The following FNIP2 variants were observed in gnomAD, a reference collection of about 807,000 sequenced individuals.
FNIP2 encodes folliculin-interacting protein 2.
A neutral mutation model predicts 108.7 loss-of-function variants in FNIP2; 32 were observed. The ratio of observed to expected loss-of-function variants is 0.29; its 90% CI spans 0.22 to 0.40. The LOEUF is 0.40. Ranked by LOEUF, FNIP2 falls within the 10% of genes least tolerant of loss-of-function variation. The pLI is 1.00. For missense variants in FNIP2, 1,202 were observed against 1,381.6 expected, an observed-to-expected ratio of 0.87 and a Z score of 2.06; for synonymous variants, 480 against 496.7, an observed-to-expected ratio of 0.97 and a Z score of 0.45.
At chr4:158,795,170 A>G (rs553087370) in intron 1 of FNIP2, among the ~76,000 whole-genome samples, 1 of 152,366 alleles carries the variant, frequency 6.6e-6, no homozygotes, top group Admixed American at 6.5e-5. Flanking sequence ...GGAGCATTTG[A>G]ATCTATGTCA....
At chr4:158,862,800 T>A (rs1438753738) in intron 12 of FNIP2, among the ~76,000 whole-genome samples, 1 of 152,148 alleles carries the variant, frequency 6.6e-6, no homozygotes, top group East Asian at 1.9e-4. Context: ...TATGGAATAA[T>A]AATAGTCTTG....
At chr4:158,865,552 A>G (rs1052338821) in intron 12 of FNIP2, among the ~76,000 whole-genome samples, 1 of 152,262 alleles carries the variant, frequency 6.6e-6, no homozygotes, top group Non-Finnish European at 1.5e-5. Flanking sequence ...AATATACAAT[A>G]CTCAAATGCA....
At chr4:158,792,738 A>G (rs1164736550) in intron 1 of FNIP2, among the ~76,000 whole-genome samples, 1 of 152,186 alleles carries the variant, frequency 6.6e-6, no homozygotes, top group Admixed American at 6.5e-5. Flanking sequence ...TGGTGACTTT[A>G]TAGAACATAA....
intron 12 of FNIP2, among the ~76,000 whole-genome samples, chr4:158,862,819 T>A (rs6817719): frequency 3.5e-4 from 54 of 152,284 alleles, no homozygotes; most frequent in Middle Eastern, 3.4e-3. Context: ...TGAAAAAAAC[T>A]TAGTCTCATT....
At chr4:158,839,115 C>A (rs542261275) in intron 7 of FNIP2, among the ~76,000 whole-genome samples, 31 of 152,228 alleles carry the variant, frequency 2.0e-4, no homozygotes, top group African/African-American at 7.5e-4. Context: ...TAAAGTTACT[C>A]TTTATTTCCT....
At chr4:158,843,687 G>C (rs1230238416) in intron 7 of FNIP2, among the ~76,000 whole-genome samples, 3 of 152,210 alleles carry the variant, frequency 2.0e-5, no homozygotes, top group Non-Finnish European at 4.4e-5. Context: ...TACGGGAAGG[G>C]CTAGGGCTAG....
intron 14 of FNIP2, among the ~76,000 whole-genome samples, chr4:158,876,778 T>C (rs1303371462): frequency 6.6e-6 from 1 of 152,206 alleles, no homozygotes; most frequent in African/African-American, 2.4e-5. Context: ...TGTCTATTAC[T>C]TTAGTGTGGC....
At chr4:158,836,760 G>C (rs1778827843) in intron 7 of FNIP2, 1 of 146,672 alleles carries the variant, frequency 6.8e-6, no homozygotes, top group South Asian at 2.2e-4. Flanking sequence ...AGGTTGCAGG[G>C]AGCCGAGATT....
intron 8 of FNIP2, among the ~76,000 whole-genome samples, chr4:158,854,987 G>GA (rs1210593551): frequency 1.3e-5 from 2 of 152,092 alleles, no homozygotes; most frequent in African/African-American, 2.4e-5. Context: ...TAGCTTTGGG[G>GA]AAAAAAGAGG....
intron 1 of FNIP2, among the ~76,000 whole-genome samples, chr4:158,811,512 A>C (rs1004070200): frequency 2.0e-5 from 3 of 151,956 alleles, no homozygotes; most frequent in Non-Finnish European, 4.4e-5. Context: ...GTCTTTGGGC[A>C]CATCATTTCA....
intron 7 of FNIP2, among the ~76,000 whole-genome samples, chr4:158,840,477 C>A (rs1779065292): frequency 6.6e-6 from 1 of 152,062 alleles, no homozygotes; most frequent in African/African-American, 2.4e-5. Context: ...CTCACTGCAA[C>A]CTCCGTCTCC....
chr4:158,797,694 G>A (rs1000054467), intron 1 of FNIP2, among the ~76,000 whole-genome samples: 1 of 152,264 alleles, frequency 6.6e-6, no homozygotes, highest in South Asian at 2.1e-4. Context: ...GCAAGACCCT[G>A]TCTCAAAACA....
intron 1 of FNIP2, among the ~76,000 whole-genome samples, chr4:158,815,241 G>A (rs758468681): frequency 6.6e-6 from 1 of 152,174 alleles, no homozygotes; most frequent in Non-Finnish European, 1.5e-5. Context: ...CTGAGCCCAG[G>A]ATGTCTGGGT....
intron 12 of FNIP2, among the ~76,000 whole-genome samples, chr4:158,867,024 G>A (rs1780622596): frequency 6.6e-6 from 1 of 152,126 alleles, no homozygotes; most frequent in Non-Finnish European, 1.5e-5. Flanking sequence ...TAATAGTTAG[G>A]CACTGAAGTA....
At chr4:158,835,536 A>C in intron 7 of FNIP2, 60 bp downstream of exon 7, 1 of 1,500,832 alleles carries the variant, frequency 6.7e-7, no homozygotes, top group South Asian at 1.1e-5. Flanking sequence ...GTGGTGTGGA[A>C]GGTGGGAAAG....
rs2347076 is a variant in FNIP2 at position 158,823,612 on chromosome 4, G to C, written c.108-2304G>C. Among the ~76,000 whole-genome samples the C allele has an allele frequency of 4.7e-3, 718 of 152,284 alleles. 3 individuals are homozygous for C. In the Middle Eastern group the frequency reaches 0.051, roughly 11 times the overall value. ...GTAAGTGACAGTGAACTAATTCCAG[G>C]AATAGTGCTTACTCAGGAACAGCTG... On this transcript the variant is annotated intron_variant, in intron 1 of 16. Coordinates refer to ENST00000264433, the MANE Select transcript of FNIP2 (RefSeq NM_020840.3).
chr4:158,791,500 T>C (rs543367558), intron 1 of FNIP2, among the ~76,000 whole-genome samples: 1 of 152,198 alleles, frequency 6.6e-6, no homozygotes, highest in South Asian at 2.1e-4. Context: ...CAGGCTGGTC[T>C]CAAACTCCTG....
intron 1 of FNIP2, among the ~76,000 whole-genome samples, chr4:158,807,485 C>T (rs541066393): frequency 2.6e-5 from 4 of 152,078 alleles, no homozygotes; most frequent in Non-Finnish European, 5.9e-5. Flanking sequence ...CCTGGGCAAC[C>T]GAGCAAGACT....
intron 7 of FNIP2, among the ~76,000 whole-genome samples, chr4:158,840,881 T>C (rs1578897654): frequency 6.6e-6 from 1 of 152,264 alleles, no homozygotes; most frequent in East Asian, 1.9e-4. Flanking sequence ...GCATTTCCTC[T>C]GTTCTTAAAA....
Sources: gnomAD v4.1 joint callset for allele counts (sites outside exome capture counted in the v4.1 genomes callset) on GRCh38, gnomAD v4.1.1 for gene constraint, MANE v1.5 for transcripts, NCBI Gene and HGNC (gene_info 2026-07-23, HGNC 2026-07-21) for gene names.